The following COX15 variants were observed in gnomAD, a reference collection of about 807,000 sequenced individuals.
COX15 encodes the protein cytochrome c oxidase assembly factor COX15.
A neutral mutation model predicts 51.9 loss-of-function variants in COX15; 51 were observed. The observed-to-expected ratio is 0.98, with a 90% CI of 0.78 to 1.24. The LOEUF (loss-of-function observed/expected upper bound fraction) is 1.24, where lower values mean the gene tolerates loss of function less well. COX15 is among the 50% of genes most tolerant of loss of function. The probability of loss-of-function intolerance (pLI) is 0.00; values close to 1 mark genes in which losing one functional copy is unlikely to be tolerated. For missense variants in COX15, 420 were observed against 501.1 expected (o/e 0.84, Z 1.55); for synonymous variants, 188 against 190.5 (o/e 0.99, Z 0.11).
chr10:99,709,408 G>A (rs887129592), downstream of COX15: 5 of 985,238 alleles, frequency 5.1e-6, no homozygotes, highest in East Asian at 1.1e-4. Context: ...TCTTAGGGAC[G>A]CTAGCTCCAG....
chr10:99,712,474 T>C lies in COX15; in HGVS notation c.*2113A>G. 1.0e-6 allele frequency: 1 copy of C among 985,420 alleles called. No homozygotes were observed. The highest frequency in any genetic ancestry group is 1.2e-6 in the Non-Finnish European group (1 of 829,922). The allele number at this position is 985,420 out of a possible 1,614,324, so 61.0% of individuals were successfully genotyped here. ...TTTGCTGACTTAAACACTGCAAAAT[T>C]AAACATTTATATCTGAATCCAGCAT... On this transcript the variant is annotated 3_prime_UTR_variant, in exon 9 of 9. Coordinates refer to ENST00000016171, the MANE Select transcript of COX15 (RefSeq NM_078470.6).
chr10:99,721,902 C>T (rs912542673), intron 5 of COX15, among the ~76,000 whole-genome samples: 3 of 152,014 alleles, frequency 2.0e-5, no homozygotes, highest in Admixed American at 1.3e-4. Context: ...CTCACTTTGT[C>T]GCCCAGACTG....
Position 99,713,062 on chromosome 10 carries a change from A to G in COX15, c.*1525T>C, listed in dbSNP as rs1218812087. On this transcript the variant is annotated 3_prime_UTR_variant, in exon 9 of 9. Transcript: ENST00000016171. ...CTTAGTGGCCATCAATATCTTGCTT[A>G]AATTTGGTACCCAGAGTGAAATGCA... The G allele has an allele frequency of 1.7e-6, 2 of 1,177,786 alleles. No homozygotes were observed. Among genetic ancestry groups the G allele is most frequent in the Non-Finnish European group, 2.1e-6 (2 of 943,128 alleles). 73.0% of individuals were successfully genotyped at this position (1,177,786 alleles called of 1,614,324 possible).
At chr10:99,725,496 TTTGA>T (rs1211384667) in intron 4 of COX15, among the ~76,000 whole-genome samples, 2 of 152,222 alleles carry the variant, frequency 1.3e-5, no homozygotes, top group Non-Finnish European at 2.9e-5. Flanking sequence ...ACTATTAGAC[TTTGA>T]TTATTGTTTC....
downstream of COX15, chr10:99,710,083 C>CT: frequency 1.0e-6 from 1 of 985,392 alleles, no homozygotes; most frequent in Non-Finnish European, 1.2e-6. Flanking sequence ...GACATGTCTG[C>CT]TCCTGAGCCT....
downstream of COX15, chr10:99,709,435 C>CT: frequency 2.0e-6 from 2 of 985,326 alleles, no homozygotes; most frequent in Non-Finnish European, 2.4e-6. Context: ...GCCCCTGGGG[C>CT]AATAACTTGT....
Position 99,720,968 on chromosome 10 carries a change from T to C in COX15, c.832+19A>G, listed in dbSNP as rs377186630. The C allele has an allele frequency of 4.4e-6, 7 of 1,606,548 alleles. No homozygotes were observed. Among genetic ancestry groups the C allele is most frequent in the East Asian group, 2.2e-5 (1 of 44,838 alleles). On this transcript the variant is annotated intron_variant, in intron 6 of 8. Transcript: ENST00000016171. Reference sequence around the variant, plus strand: ...AGAGTGCAATGCAAACAGGTCATCTTTGATGAGCTGAGTCCTACCTGAGAG... The same window carrying C: ...AGAGTGCAATGCAAACAGGTCATCTCTGATGAGCTGAGTCCTACCTGAGAG...
the COX15 span, chr10:99,696,209 A>ATC: frequency 6.8e-7 from 1 of 1,476,988 alleles, no homozygotes; most frequent in Admixed American, 2.0e-5. Context: ...CCTAAGACAG[A>ATC]TAAGTCCCTG....
At chr10:99,704,321 G>A in the COX15 span, 2 of 877,798 alleles carry the variant, frequency 2.3e-6, no homozygotes, top group East Asian at 2.6e-5. Context: ...CTGCTCTGTG[G>A]AGCTGGTGTC....
At chr10:99,724,735 TA>T (rs780039476) in intron 4 of COX15, among the ~76,000 whole-genome samples, 354 of 142,592 alleles carry the variant, frequency 2.5e-3, no homozygotes, top group Middle Eastern at 3.6e-3. Context: ...TGATGAGCTT[TA>T]AAAAAAAAAA....
chr10:99,704,830 C>T, the COX15 span: 2 of 719,568 alleles, frequency 2.8e-6, no homozygotes, highest in Non-Finnish European at 4.5e-6. Flanking sequence ...TACCGTAATT[C>T]CTTCTCCGTA....
At chr10:99,701,103 G>C in the COX15 span, 1 of 1,437,400 alleles carries the variant, frequency 7.0e-7, no homozygotes, top group Non-Finnish European at 9.8e-7. Context: ...TTAAAATCTA[G>C]ATGGCAGATT....
At chr10:99,717,916 T>C (rs1214207501) in intron 7 of COX15, among the ~76,000 whole-genome samples, 1 of 152,160 alleles carries the variant, frequency 6.6e-6, no homozygotes, top group Non-Finnish European at 1.5e-5. Flanking sequence ...TTAAATAGAA[T>C]GAAAAGTACT....
chr10:99,714,411 C>T lies in COX15; in HGVS notation c.*176G>A. 2.7e-6 allele frequency: 4 copies of T among 1,472,194 alleles called. No homozygotes were observed. The highest frequency in any genetic ancestry group is 3.6e-6 in the Non-Finnish European group (4 of 1,114,450). The allele number at this position is 1,472,194 out of a possible 1,614,324, so 91.2% of individuals were successfully genotyped here. On this transcript the variant is annotated 3_prime_UTR_variant, in exon 9 of 9. Coordinates refer to ENST00000016171, the MANE Select transcript of COX15 (RefSeq NM_078470.6). The stretch of plus-strand genomic sequence containing the variant: ...AAAGGGAACATTTAGGGTAACCACA[C>T]TTAATGCATTCTTGATCCAGTGACT...
chr10:99,704,064 T>C, the COX15 span, among the ~76,000 whole-genome samples: 1 of 152,212 alleles, frequency 6.6e-6, no homozygotes, highest in Admixed American at 6.5e-5. Context: ...ACACACACAC[T>C]CTGATTTCTT....
chr10:99,730,324 C>T (rs1460456634), intron 1 of COX15, among the ~76,000 whole-genome samples: 3 of 152,196 alleles, frequency 2.0e-5, no homozygotes, highest in African/African-American at 7.2e-5. Context: ...GTGATTCACA[C>T]CTGTAATCCC....
chr10:99,695,878 C>G, the COX15 span: 4 of 1,346,374 alleles, frequency 3.0e-6, no homozygotes, highest in Admixed American at 9.2e-5. Flanking sequence ...AATGAAGCCT[C>G]GTGTATTAGC....
chr10:99,701,593 T>C, the COX15 span, among the ~76,000 whole-genome samples: 1 of 151,602 alleles, frequency 6.6e-6, no homozygotes, highest in African/African-American at 2.4e-5. Context: ...CGGCCAAAAG[T>C]GATTTTTTTT....
At position 99,713,547 on chromosome 10, in the gene COX15, A is replaced by T. The variant is rs912182941; in HGVS notation, c.*1040T>A. ...GTCAACAATTTGTTTATCTGGGTAG[A>T]TGTCCATGCACTACACCATCAAGGC... On this transcript the variant is annotated 3_prime_UTR_variant, in exon 9 of 9. Transcript: ENST00000016171. 35 of 1,558,710 alleles carry T rather than the reference A, an allele frequency of 2.2e-5. No individual in the cohort carries two copies. The highest frequency in any genetic ancestry group is 1.4e-4 in the African/African-American group (10 of 73,348).
Sources: gnomAD v4.1 joint callset for allele counts (sites outside exome capture counted in the v4.1 genomes callset) on GRCh38, gnomAD v4.1.1 for gene constraint, MANE v1.5 for transcripts, NCBI Gene and HGNC (gene_info 2026-07-23, HGNC 2026-07-21) for gene names.